MYT1L: variants seen among roughly 807,000 people sequenced by gnomAD.
MYT1L encodes myelin transcription factor 1 like.
A neutral mutation model predicts 126.7 loss-of-function variants in MYT1L; 12 were observed. The observed-to-expected ratio is 0.09, with a 90% CI of 0.06 to 0.15. The LOEUF (loss-of-function observed/expected upper bound fraction) is 0.15, where lower values mean the gene tolerates loss of function less well. Among genes scored for constraint, MYT1L ranks in the 10% least tolerant of loss-of-function variants. The pLI is 1.00. For synonymous variants in MYT1L, 541 were observed against 604.2 expected (o/e 0.90, Z 1.53); for missense variants, 979 against 1,585.2 (o/e 0.62, Z 6.49).
At chr2:2,257,354 T>C (rs961859631) in intron 2 of MYT1L, among the ~76,000 whole-genome samples, 73 of 152,288 alleles carry the variant, frequency 4.8e-4, no homozygotes, top group African/African-American at 1.7e-3. Context: ...GCCCTGGGAT[T>C]GTTTTTCCAG....
intron 19 of MYT1L, among the ~76,000 whole-genome samples, chr2:1,847,620 A>G (rs2042679170): frequency 6.6e-6 from 1 of 152,156 alleles, no homozygotes; most frequent in Non-Finnish European, 1.5e-5. Flanking sequence ...GGGGGTCGGA[A>G]AAAAGAGCAA....
intron 18 of MYT1L, among the ~76,000 whole-genome samples, chr2:1,859,185 T>A (rs1035082050): frequency 6.6e-6 from 1 of 152,218 alleles, no homozygotes; most frequent in South Asian, 2.1e-4. Flanking sequence ...TATTCCAGTA[T>A]TAGGAAAACC....
intron 4 of MYT1L, among the ~76,000 whole-genome samples, chr2:2,018,254 C>T (rs2064644383): frequency 6.6e-6 from 1 of 152,164 alleles, no homozygotes; most frequent in Non-Finnish European, 1.5e-5. Context: ...GTTTCTCTGT[C>T]TGTTGTCTGC....
intron 2 of MYT1L, among the ~76,000 whole-genome samples, chr2:2,217,700 CAACAACA>C (rs2093725513): frequency 5.5e-5 from 4 of 72,686 alleles, no homozygotes; most frequent in African/African-American, 1.5e-4. Context: ...ACAACAACAA[CAACAACA>C]AAAAAAAAAA....
chr2:2,122,872 T>TGTGTGTGTGTGTGTGTGAGA lies in MYT1L; in HGVS notation c.-304+49999_-304+50000insTCTCACACACACACACACAC, dbSNP rs553951630. Among the ~76,000 whole-genome samples the TGTGTGTGTGTGTGTGTGAGA allele has an allele frequency of 7.1e-4, 95 of 133,062 alleles. 1 individual carries two copies. The highest frequency in any genetic ancestry group is 7.5e-3 in the Middle Eastern group (2 of 266). The allele number at this position is 133,062 out of a possible 152,430, so 87.3% of individuals were successfully genotyped here. ...GTGTGTGTGTGTGTGTGTGTGTGTG[T>TGTGTGTGTGTGTGTGTGAGA]GAGAGAGAGAGAGAGAGAGACCAAT... On this transcript the variant is annotated intron_variant, in intron 3 of 24. Transcript: ENST00000647738.
rs1464466273 is a variant in MYT1L, at chr2:1,791,048, C to A, written c.*819G>T. 5.7e-6 allele frequency: 2 copies of A among 349,060 alleles called. No homozygotes were observed. The highest frequency in any genetic ancestry group is 7.7e-5 in the East Asian group (1 of 13,008). The allele number at this position is 349,060 out of a possible 1,614,324, so 21.6% of individuals were successfully genotyped here. A position where few individuals can be genotyped will look rare whatever the true frequency, so the allele number is the denominator to read the frequency against. On this transcript the variant is annotated 3_prime_UTR_variant, in exon 25 of 25. Transcript: ENST00000647738. The surrounding 1 kb of genome is among the most constrained non-coding windows in gnomAD (Gnocchi z 6.0). Reference sequence around the variant, plus strand: ...TCACGTTGTCCACCTCTGATAAGATCCTGTCTTAACTGGAGTTTCCATAGT... The same window carrying A: ...TCACGTTGTCCACCTCTGATAAGATACTGTCTTAACTGGAGTTTCCATAGT...
chr2:1,911,714 A>G (rs1342772961), intron 12 of MYT1L, among the ~76,000 whole-genome samples: 1 of 152,232 alleles, frequency 6.6e-6, no homozygotes, highest in Non-Finnish European at 1.5e-5. Context: ...ACACTAGGAC[A>G]GCCCTGTCTT....
intron 4 of MYT1L, among the ~76,000 whole-genome samples, chr2:2,008,274 T>G (rs1330984690): frequency 2.0e-5 from 3 of 152,216 alleles, no homozygotes; most frequent in African/African-American, 4.8e-5. Context: ...TCCATGAGGT[T>G]GATTTGAGTT....
intron 8 of MYT1L, among the ~76,000 whole-genome samples, chr2:1,947,123 A>T (rs2057301855): frequency 6.6e-6 from 1 of 152,080 alleles, no homozygotes; most frequent in South Asian, 2.1e-4. Context: ...AACTAGGCCC[A>T]CCGTGACCAT....
chr2:1,950,535 A>C (rs1261087112), intron 8 of MYT1L, among the ~76,000 whole-genome samples: 1 of 151,160 alleles, frequency 6.6e-6, no homozygotes, highest in African/African-American at 2.4e-5. Flanking sequence ...ACAGAGACAC[A>C]GACACAGAGA....
intron 3 of MYT1L, among the ~76,000 whole-genome samples, chr2:2,110,351 A>C (rs1358257133): frequency 6.6e-6 from 1 of 152,100 alleles, no homozygotes; most frequent in Non-Finnish European, 1.5e-5. Context: ...CTTTATAGGA[A>C]ATCTAAAACC....
intron 3 of MYT1L, among the ~76,000 whole-genome samples, chr2:2,057,533 CCCCA>C (rs2069764265): frequency 2.6e-5 from 4 of 152,274 alleles, no homozygotes; most frequent in Admixed American, 2.6e-4. Context: ...ACATAGCCAC[CCCCA>C]CCATCTTTTT....
At chr2:2,038,711 C>T (rs547119106) in intron 4 of MYT1L, among the ~76,000 whole-genome samples, 19 of 152,118 alleles carry the variant, frequency 1.2e-4, no homozygotes, top group Admixed American at 3.3e-4. Context: ...GAACCCAATC[C>T]GAACTCCCTG....
At chr2:2,119,556 T>C (rs1277485134) in intron 3 of MYT1L, among the ~76,000 whole-genome samples, 2 of 152,228 alleles carry the variant, frequency 1.3e-5, no homozygotes, top group African/African-American at 4.8e-5. Flanking sequence ...CCATTTTCCG[T>C]AAGAAAAAAT....
intron 5 of MYT1L, among the ~76,000 whole-genome samples, chr2:1,986,402 G>C (rs2149530499): frequency 6.6e-6 from 1 of 152,168 alleles, no homozygotes; most frequent in East Asian, 1.9e-4. Context: ...AAAGCCTCAG[G>C]GTATTTGCTC....
intron 13 of MYT1L, among the ~76,000 whole-genome samples, chr2:1,903,739 A>C (rs1012899234): frequency 1.1e-4 from 16 of 152,366 alleles, no homozygotes; most frequent in Non-Finnish European, 1.6e-4. Flanking sequence ...TTAGGGACAT[A>C]GACTGAGACA....
intron 8 of MYT1L, among the ~76,000 whole-genome samples, chr2:1,957,339 G>A (rs1333146488): frequency 6.6e-6 from 1 of 152,088 alleles, no homozygotes; most frequent in Admixed American, 6.5e-5. Flanking sequence ...CTTTCATGCT[G>A]ATTTCTGGGA....
intron 15 of MYT1L, among the ~76,000 whole-genome samples, chr2:1,891,155 G>C (rs1010486477): frequency 1.3e-5 from 2 of 152,252 alleles, no homozygotes; most frequent in Middle Eastern, 3.4e-3. Flanking sequence ...TTTGCAAAAC[G>C]TAAGATTACT....
At chr2:1,886,482 T>G (rs953916985) in intron 18 of MYT1L, 57 bp downstream of exon 18, 66 of 1,292,710 alleles carry the variant, frequency 5.1e-5, no homozygotes, top group Non-Finnish European at 6.7e-5. Flanking sequence ...TCATTTTTTT[T>G]TGTGAACTAC....
Sources: allele counts gnomAD v4.1 joint callset (sites outside exome capture counted in the v4.1 genomes callset), GRCh38; gene constraint gnomAD v4.1.1; non-coding constraint Gnocchi (gnomAD v3.1); transcripts MANE v1.5; gene names NCBI Gene and HGNC (gene_info 2026-07-23, HGNC 2026-07-21).